The following TBC1D2 variants were observed in gnomAD, a reference collection of about 807,000 sequenced individuals.
TBC1D2 encodes TBC1 domain family member 2A.
In TBC1D2, 58 loss-of-function variants were observed where a neutral mutation model predicts 91.1. The ratio of observed to expected loss-of-function variants is 0.64; its 90% confidence interval spans 0.52 to 0.79. The LOEUF is 0.79. Among genes scored for constraint, TBC1D2 ranks in the 30% least tolerant of loss-of-function variants. TBC1D2 has a pLI of 0.00. For synonymous variants in TBC1D2, 482 were observed against 511.5 expected (o/e 0.94, Z 0.78); for missense variants, 1,080 against 1,208.3 (o/e 0.89, Z 1.57).
rs1829390750 is a variant in TBC1D2, at chr9:98,232,342, G to GTGTTTTTTTTTTTTTTTT, written c.781+1073_781+1074insAAAAAAAAAAAAAAAACA. 1.5e-4 allele frequency among the ~76,000 whole-genome samples: 13 copies of GTGTTTTTTTTTTTTTTTT among 86,774 alleles called. No homozygotes were observed. In the East Asian group the frequency reaches 4.0e-3, roughly 27 times the overall value. The allele number at this position is 86,774 out of a possible 152,430, so 56.9% of individuals were successfully genotyped here. A position where few individuals can be genotyped will look rare whatever the true frequency, so the allele number is the denominator to read the frequency against. On this transcript the variant is annotated intron_variant, in intron 4 of 12. Transcript: ENST00000465784. ...TTTCTTTTCTTCTTTCTCTTTTTCTGTTTTTTTTTTTGACAGTGTCTCACT... is the reference window on the plus strand; with the variant it reads ...TTTCTTTTCTTCTTTCTCTTTTTCTGTGTTTTTTTTTTTTTTTTTTTTTTTTTTTGACAGTGTCTCACT...
At chr9:98,226,263 A>C (rs560901250) in intron 5 of TBC1D2, among the ~76,000 whole-genome samples, 1 of 152,322 alleles carries the variant, frequency 6.6e-6, no homozygotes, top group Admixed American at 6.5e-5. Context: ...CTATGGCCCC[A>C]CGGCACATTT....
At chr9:98,239,551 T>C (rs985088937) in intron 3 of TBC1D2, among the ~76,000 whole-genome samples, 1 of 152,258 alleles carries the variant, frequency 6.6e-6, no homozygotes, top group African/African-American at 2.4e-5. Flanking sequence ...ATCCTTTTTA[T>C]ATGCTGCTGA....
chr9:98,245,387 C>G (rs1436258709), intron 2 of TBC1D2, among the ~76,000 whole-genome samples: 1 of 151,678 alleles, frequency 6.6e-6, no homozygotes, highest in Admixed American at 6.6e-5. Context: ...AGCAGCATGG[C>G]AAAACCCCAT....
chr9:98,242,773 T>C (rs1362271935), intron 3 of TBC1D2, among the ~76,000 whole-genome samples: 2 of 150,542 alleles, frequency 1.3e-5, no homozygotes, highest in African/African-American at 2.4e-5. Context: ...CCCAGGCAGT[T>C]TGCTTCCAAA....
intron 12 of TBC1D2, among the ~76,000 whole-genome samples, 162 bp from the exon 13 acceptor site, chr9:98,199,750 A>G (rs889423808): frequency 1.4e-4 from 21 of 152,168 alleles, no homozygotes; most frequent in African/African-American, 5.1e-4. Flanking sequence ...CCACCCACAG[A>G]GATATGTACT....
At chr9:98,216,460 C>A (rs1751987963) in intron 6 of TBC1D2, among the ~76,000 whole-genome samples, 1 of 152,198 alleles carries the variant, frequency 6.6e-6, no homozygotes, top group Non-Finnish European at 1.5e-5. Context: ...TTAAAGTGCC[C>A]TAATTCCCAT....
chr9:98,234,770 A>G (rs1038420584), intron 3 of TBC1D2: 3 of 157,662 alleles, frequency 1.9e-5, no homozygotes, highest in African/African-American at 7.2e-5. Context: ...AGCAGGAGCT[A>G]GAACTGACGC....
At chr9:98,252,128 T>C (rs542364846) in intron 1 of TBC1D2, among the ~76,000 whole-genome samples, 1 of 152,328 alleles carries the variant, frequency 6.6e-6, no homozygotes, top group South Asian at 2.1e-4. Flanking sequence ...TTAGCTGCTC[T>C]GGGCCTCAGT....
intron 2 of TBC1D2, among the ~76,000 whole-genome samples, chr9:98,249,939 A>T (rs1829837065): frequency 1.3e-5 from 2 of 152,210 alleles, no homozygotes; most frequent in African/African-American, 4.8e-5. Context: ...CAGGCAGGAC[A>T]CCAGGGAGGT....
At chr9:98,215,176 G>A (rs866547747) in intron 6 of TBC1D2, among the ~76,000 whole-genome samples, 1 of 152,166 alleles carries the variant, frequency 6.6e-6, no homozygotes, top group Non-Finnish European at 1.5e-5. Flanking sequence ...CTATCCTTAT[G>A]TGGCAAGAAG....
chr9:98,237,674 T>C (rs1333515366), intron 3 of TBC1D2, among the ~76,000 whole-genome samples: 5 of 149,596 alleles, frequency 3.3e-5, no homozygotes. Context: ...GCCCGGCTAA[T>C]TTTTTTTGTA....
chr9:98,225,568 G>A (rs1829212771), intron 5 of TBC1D2, among the ~76,000 whole-genome samples: 1 of 152,196 alleles, frequency 6.6e-6, no homozygotes, highest in Admixed American at 6.5e-5. Flanking sequence ...CTGCGCATGG[G>A]CAAGTCACCC....
chr9:98,233,968 A>C (rs1829439587), intron 3 of TBC1D2, among the ~76,000 whole-genome samples: 3 of 152,078 alleles, frequency 2.0e-5, no homozygotes, highest in South Asian at 4.2e-4. Flanking sequence ...CTTTCCCGAA[A>C]CCTTCATCTG....
Position 98,237,384 on chromosome 9 carries a change from G to GA in TBC1D2, c.648-3836dup, listed in dbSNP as rs201899214. ...AAAAAAAAGAAAGTCAGGCTTTGCT[G>GA]AAAAAAAAGAAAGAAAATATCAGAG... On this transcript the variant is annotated intron_variant, in intron 3 of 12. Transcript: ENST00000465784. 2.7e-3 allele frequency among the ~76,000 whole-genome samples: 405 copies of GA among 151,388 alleles called. 2 individuals carry two copies. Among genetic ancestry groups the GA allele is most frequent in the African/African-American group, 9.6e-3 (398 of 41,274 alleles).
intron 3 of TBC1D2, among the ~76,000 whole-genome samples, chr9:98,238,995 T>C (rs563233198): frequency 6.6e-6 from 1 of 152,262 alleles, no homozygotes; most frequent in South Asian, 2.1e-4. Flanking sequence ...AGTGCTGGGA[T>C]TGCAGGCATG....
At chr9:98,212,339 G>A (rs550347299) in intron 7 of TBC1D2, among the ~76,000 whole-genome samples, 15 of 152,054 alleles carry the variant, frequency 9.9e-5, no homozygotes, top group Admixed American at 7.2e-4. Context: ...CAGACCACAC[G>A]TCTTTACTAT....
intron 6 of TBC1D2, among the ~76,000 whole-genome samples, chr9:98,214,645 T>C (rs1335666948): frequency 6.6e-6 from 1 of 152,210 alleles, no homozygotes; most frequent in Non-Finnish European, 1.5e-5. Flanking sequence ...GAACATCACA[T>C]GTAGTTTGGG....
intron 6 of TBC1D2, among the ~76,000 whole-genome samples, chr9:98,215,428 G>A (rs899782986): frequency 3.2e-4 from 49 of 152,204 alleles, no homozygotes; most frequent in African/African-American, 1.2e-3. Flanking sequence ...CTATGACACA[G>A]ATGAGGCCTC....
At chr9:98,209,760 C>T (rs1380663760) in intron 8 of TBC1D2, among the ~76,000 whole-genome samples, 7 of 65,618 alleles carry the variant, frequency 1.1e-4, no homozygotes, top group East Asian at 1.5e-3. Context: ...CCTTCCTTTC[C>T]TTCCTTCCTT....
Sources: gnomAD v4.1 joint callset for allele counts (sites outside exome capture counted in the v4.1 genomes callset) on GRCh38, gnomAD v4.1.1 for gene constraint, MANE v1.5 for transcripts, NCBI Gene and HGNC (gene_info 2026-07-23, HGNC 2026-07-21) for gene names.